Variants in ERICH1 observed in about 807,000 individuals in gnomAD.
The protein encoded by ERICH1 is glutamate-rich protein 1.
ERICH1 carries 56 observed loss-of-function variants against 39.6 expected under a neutral mutation model. The observed-to-expected ratio is 1.41, with a 90% CI of 1.14 to 1.77. The LOEUF is 1.77. Ranked by LOEUF, ERICH1 falls within the 40% of genes most tolerant of loss-of-function variation. The pLI is 0.00. For missense variants in ERICH1, 826 were observed against 575.4 expected (o/e 1.44, Z -4.45); for synonymous variants, 313 against 223.6 (o/e 1.40, Z -3.57).
chr8:651,810 T>C (rs1305611263), intron 3 of ERICH1, among the ~76,000 whole-genome samples: 1 of 152,030 alleles, frequency 6.6e-6, no homozygotes, highest in African/African-American at 2.4e-5. Flanking sequence ...TCTGACATCA[T>C]TGTCAACTCT....
chr8:664,650 A>G lies in ERICH1; in HGVS notation c.1285T>C (p.Phe429Leu), dbSNP rs756100695. ...AGGATATGTGTGATCCAGTAACTAA[A>G]GAAAGCTGAGATTACTCTGGCATGG... ...PDHARVISAF[F>L]SYWITHILPE... The change falls in exon 6 of 6, where the codon TTT (phenylalanine) becomes CTT (leucine). Residue 429 changes from phenylalanine to leucine, a missense_variant. Physicochemically the swap from Phe to Leu is conservative, Grantham distance 22. Transcript: ENST00000262109. The G allele has an allele frequency of 6.2e-7, 1 of 1,612,940 alleles. No homozygotes were observed. Among genetic ancestry groups the G allele is most frequent in the Admixed American group, 1.7e-5 (1 of 59,926 alleles).
chr8:697,698 C>T lies in ERICH1; in HGVS notation c.170-5086G>A, dbSNP rs559323382. ...TGTGGAACCACACAGCCCCCGCCCCCGCCCCCTCAGCCACCCACACAGGCG... is the reference window on the plus strand; with the variant it reads ...TGTGGAACCACACAGCCCCCGCCCCTGCCCCCTCAGCCACCCACACAGGCG... On this transcript the variant is annotated intron_variant, in intron 2 of 5. Coordinates refer to ENST00000262109, the MANE Select transcript of ERICH1 (RefSeq NM_207332.3). 8.9e-4 allele frequency among the ~76,000 whole-genome samples: 136 copies of T among 152,272 alleles called. 1 individual carries two copies. The highest frequency in any genetic ancestry group is 3.1e-3 in the African/African-American group (130 of 41,566).
At chr8:684,113 T>C (rs1311816741) in intron 3 of ERICH1, among the ~76,000 whole-genome samples, 1 of 152,246 alleles carries the variant, frequency 6.6e-6, no homozygotes, top group Non-Finnish European at 1.5e-5. Flanking sequence ...ATTTAGTCAT[T>C]TTCTATAACT....
At chr8:619,322 T>A (rs1199788504) in intron 3 of ERICH1, among the ~76,000 whole-genome samples, 1 of 152,232 alleles carries the variant, frequency 6.6e-6, no homozygotes, top group Non-Finnish European at 1.5e-5. Flanking sequence ...GAGACCTATC[T>A]CACACAAGGG....
rs1324210895 is a variant in ERICH1, at chr8:629,995, T to C, written c.977-14711A>G. 1.4e-4 allele frequency among the ~76,000 whole-genome samples: 13 copies of C among 91,974 alleles called. 1 individual carries two copies. The highest frequency in any genetic ancestry group is 8.2e-4 in the South Asian group (2 of 2,432). The allele number at this position is 91,974 out of a possible 152,430, so 60.3% of individuals were successfully genotyped here. On this transcript the variant is annotated intron_variant, in intron 3 of 3. Transcript: ENST00000522706. ...CACACAGAACTGACTCACACCCTCC[T>C]GTGAGCACCCACACAGACAAAGCTG...
intron 3 of ERICH1, among the ~76,000 whole-genome samples, chr8:621,438 A>G: frequency 6.6e-6 from 1 of 152,118 alleles, no homozygotes; most frequent in Non-Finnish European, 1.5e-5. Flanking sequence ...AACAAGGTAT[A>G]CATGTATCAA....
intron 1 of ERICH1, among the ~76,000 whole-genome samples, chr8:728,648 C>A (rs2132497937): frequency 6.6e-6 from 1 of 152,314 alleles, no homozygotes; most frequent in East Asian, 1.9e-4. Flanking sequence ...AGTGCCCTTC[C>A]CCTTCCTGGG....
At chr8:679,048 G>A (rs917117993) in intron 3 of ERICH1, among the ~76,000 whole-genome samples, 2 of 142,244 alleles carry the variant, frequency 1.4e-5, no homozygotes, top group Admixed American at 7.1e-5. Flanking sequence ...CCATCCCTCA[G>A]CAGTGACCTC....
intron 3 of ERICH1, among the ~76,000 whole-genome samples, chr8:676,645 A>C (rs950739200): frequency 6.6e-6 from 1 of 152,314 alleles, no homozygotes; most frequent in East Asian, 1.9e-4. Context: ...CAGACGGCAC[A>C]TGGCGCACAC....
At position 619,141 on chromosome 8, in the gene ERICH1, T is replaced by A. The variant is rs557402133; in HGVS notation, c.977-3857A>T. ...GTGGAAAAGAAAATGGGGGCCCTAC[T>A]CCCCCAGTGCCCAGTCTGGGGCTCT... On this transcript the variant is annotated intron_variant, in intron 3 of 3. Transcript: ENST00000522706. Among the ~76,000 whole-genome samples, 3 of 151,702 alleles carry A rather than the reference T, an allele frequency of 2.0e-5. No individual in the cohort carries two copies. In the East Asian group the frequency reaches 5.9e-4, roughly 30 times the overall value.
At chr8:727,277 C>T (rs1468467434) in intron 1 of ERICH1, among the ~76,000 whole-genome samples, 1 of 152,158 alleles carries the variant, frequency 6.6e-6, no homozygotes, top group African/African-American at 2.4e-5. Context: ...GCTCACAGAC[C>T]CACACCTACA....
At chr8:616,372 G>T in intron 3 of ERICH1, 2 of 353,696 alleles carry the variant, frequency 5.7e-6, no homozygotes, top group Admixed American at 6.9e-5. Flanking sequence ...AGGTGTGGGC[G>T]GCCGCCGTCC....
At chr8:640,667 C>G (rs1798876408) in intron 3 of ERICH1, 1 of 152,188 alleles carries the variant, frequency 6.6e-6, no homozygotes, top group South Asian at 2.1e-4. Context: ...TGATGAGTGG[C>G]ATGTGCACGA....
chr8:620,172 C>G (rs1186052899), intron 3 of ERICH1, among the ~76,000 whole-genome samples: 1 of 152,118 alleles, frequency 6.6e-6, no homozygotes, highest in South Asian at 2.1e-4. Context: ...ATTAGCCAGG[C>G]GTGGTGGCGC....
chr8:691,390 C>T (rs1024817030), intron 3 of ERICH1, among the ~76,000 whole-genome samples: 5 of 152,360 alleles, frequency 3.3e-5, no homozygotes, highest in African/African-American at 9.6e-5. Flanking sequence ...CATGGCCAAG[C>T]GAGCCTTCTA....
intron 3 of ERICH1, among the ~76,000 whole-genome samples, chr8:683,993 GTTC>G (rs1287645240): frequency 6.6e-6 from 1 of 152,144 alleles, no homozygotes; most frequent in African/African-American, 2.4e-5. Flanking sequence ...TCAAGAAATT[GTTC>G]TTATGTTTCA....
At chr8:655,713 T>G (rs1231606724) in intron 3 of ERICH1, among the ~76,000 whole-genome samples, 1 of 149,556 alleles carries the variant, frequency 6.7e-6, no homozygotes, top group African/African-American at 2.5e-5. Context: ...CCTTCTTTCC[T>G]TCCTCTGTGC....
chr8:640,602 G>A (rs1404107350), intron 3 of ERICH1: 5 of 152,222 alleles, frequency 3.3e-5, no homozygotes, highest in Non-Finnish European at 7.3e-5. Context: ...CAGATGTAGA[G>A]AATCACCTGG....
At chr8:702,925 C>A (rs374782063) in intron 2 of ERICH1, among the ~76,000 whole-genome samples, 1 of 152,218 alleles carries the variant, frequency 6.6e-6, no homozygotes, top group Admixed American at 6.5e-5. Context: ...ACAGGTACCC[C>A]GCACGCCTGG....
Sources: gnomAD v4.1 joint callset for allele counts (sites outside exome capture counted in the v4.1 genomes callset) on GRCh38, gnomAD v4.1.1 for gene constraint, MANE v1.5 for transcripts, NCBI Gene and HGNC (gene_info 2026-07-23, HGNC 2026-07-21) for gene names.